LEMD1: variants seen among roughly 807,000 people sequenced by gnomAD.
LEMD1 encodes LEM domain containing 1.
Under a neutral mutation model 17.4 loss-of-function variants are expected in LEMD1, and 18 were observed. The ratio of observed to expected loss-of-function variants is 1.04; its 90% CI spans 0.72 to 1.54. The LOEUF (loss-of-function observed/expected upper bound fraction) is 1.54. LEMD1 is among the 40% of genes most tolerant of loss of function. The pLI is 0.00. For synonymous variants in LEMD1, 88 were observed against 77.8 expected (o/e 1.13, Z -0.69); for missense variants, 195 against 210.4 (o/e 0.93, Z 0.45).
At chr1:205,415,310 C>A (rs761423680) in intron 4 of LEMD1, among the ~76,000 whole-genome samples, 1 of 152,088 alleles carries the variant, frequency 6.6e-6, no homozygotes, top group Non-Finnish European at 1.5e-5. Context: ...TCCCAGTAGG[C>A]AGTTGGATAT....
At chr1:205,446,557 A>T (rs1376657159) in intron 1 of LEMD1, among the ~76,000 whole-genome samples, 4 of 152,196 alleles carry the variant, frequency 2.6e-5, no homozygotes, top group South Asian at 2.1e-4. Flanking sequence ...ACTGAACAAC[A>T]GGATTCCCGG....
At chr1:205,411,428 G>A (rs573382438) in intron 4 of LEMD1, among the ~76,000 whole-genome samples, 7 of 151,920 alleles carry the variant, frequency 4.6e-5, no homozygotes, top group South Asian at 2.1e-4. Context: ...GGTGGCGGGC[G>A]CATGTAGTCC....
intron 2 of LEMD1, 152 bp downstream of exon 2, chr1:205,420,303 A>G (rs572150696): frequency 1.1e-5 from 7 of 617,816 alleles, no homozygotes; most frequent in South Asian, 9.8e-5. Context: ...GGATTTGGGT[A>G]TATTTACCGC....
At chr1:205,399,889 T>C (rs922020468) in intron 4 of LEMD1, among the ~76,000 whole-genome samples, 3 of 152,134 alleles carry the variant, frequency 2.0e-5, no homozygotes, top group African/African-American at 7.2e-5. Flanking sequence ...GAAGGACTGA[T>C]AGAAATAGAA....
chr1:205,399,659 C>T (rs1054679837), intron 4 of LEMD1, among the ~76,000 whole-genome samples: 2 of 152,192 alleles, frequency 1.3e-5, no homozygotes, highest in African/African-American at 4.8e-5. Flanking sequence ...ATGATGAGGA[C>T]ATGTCAAAGG....
intron 3 of LEMD1, among the ~76,000 whole-genome samples, chr1:205,418,103 G>A (rs12408770): frequency 0.015 from 2,320 of 152,178 alleles, 121 homozygotes; most frequent in Admixed American, 0.094. Flanking sequence ...GGCTGCTTCC[G>A]AGCTCAGTGA....
At chr1:205,404,309 G>C (rs978151301) in intron 4 of LEMD1, among the ~76,000 whole-genome samples, 1 of 151,976 alleles carries the variant, frequency 6.6e-6, no homozygotes, top group African/African-American at 2.4e-5. Flanking sequence ...GGGTGTTAAA[G>C]TCTCCCATTA....
At chr1:205,384,547 TC>T (rs1663894670) in intron 4 of LEMD1, among the ~76,000 whole-genome samples, 183 bp from the exon 5 acceptor site, 1 of 152,160 alleles carries the variant, frequency 6.6e-6, no homozygotes, top group Non-Finnish European at 1.5e-5. Flanking sequence ...ACATCTAAGT[TC>T]CATGGAGTAA....
At chr1:205,427,206 G>A (rs1666068894) in intron 1 of LEMD1, among the ~76,000 whole-genome samples, 2 of 151,964 alleles carry the variant, frequency 1.3e-5, no homozygotes, top group African/African-American at 4.8e-5. Flanking sequence ...TTTAAGGACT[G>A]AGTTAACACA....
chr1:205,394,121 A>G (rs1664472640), intron 4 of LEMD1, among the ~76,000 whole-genome samples: 1 of 136,546 alleles, frequency 7.3e-6, no homozygotes. Flanking sequence ...AACATCACAC[A>G]TTGAATGATT....
At chr1:205,447,551 G>A (rs1666414102) in intron 1 of LEMD1, among the ~76,000 whole-genome samples, 1 of 152,070 alleles carries the variant, frequency 6.6e-6, no homozygotes. Flanking sequence ...AGGATGGGAG[G>A]GCTAAAATCA....
Position 205,384,277 on chromosome 1 carries a change from A to G in LEMD1, c.347+11T>C. The G allele has an allele frequency of 6.9e-7, 1 of 1,457,042 alleles. No homozygotes were observed. Among genetic ancestry groups the G allele is most frequent in the Admixed American group, 2.9e-5 (1 of 35,072 alleles). 90.3% of individuals were successfully genotyped at this position (1,457,042 alleles called of 1,614,324 possible). On this transcript the variant is annotated intron_variant, in intron 5 of 5. Coordinates refer to ENST00000367153, the MANE Select transcript of LEMD1 (RefSeq NM_001199050.2). ...ATATCAATTTCCACATATGCTAAAAAACATCATTACCTTCTTCCCTTGGAA... is the reference window on the plus strand; with the variant it reads ...ATATCAATTTCCACATATGCTAAAAGACATCATTACCTTCTTCCCTTGGAA...
At chr1:205,432,574 G>A (rs1666140611) in intron 1 of LEMD1, among the ~76,000 whole-genome samples, 1 of 152,322 alleles carries the variant, frequency 6.6e-6, no homozygotes, top group African/African-American at 2.4e-5. Flanking sequence ...GAGGAATTTG[G>A]GAACAATAAG....
chr1:205,419,435 G>A (rs988256233), intron 2 of LEMD1, 83 bp from the exon 3 acceptor site: 3 of 1,472,364 alleles, frequency 2.0e-6, no homozygotes, highest in African/African-American at 2.8e-5. Context: ...TCATAACTCA[G>A]AATTTTATTC....
At chr1:205,436,568 T>C (rs960322154) in intron 1 of LEMD1, 3 of 152,044 alleles carry the variant, frequency 2.0e-5, no homozygotes, top group African/African-American at 7.3e-5. Context: ...GTCAGCAATA[T>C]GGACTTGGGG....
At chr1:205,393,585 A>G (rs1448286423) in intron 4 of LEMD1, among the ~76,000 whole-genome samples, 2 of 151,986 alleles carry the variant, frequency 1.3e-5, no homozygotes, top group East Asian at 3.9e-4. Context: ...CTGAGGCAGG[A>G]GAATCCCTTG....
rs533258019 is a variant in LEMD1 at position 205,381,705 on chromosome 1, C to T, written c.499G>A (p.Val167Met). The T allele has an allele frequency of 3.7e-5, 60 of 1,614,240 alleles. 1 individual carries two copies. In the South Asian group the frequency reaches 6.4e-4, roughly 17 times the overall value. Residue 167 changes from valine (V) to methionine (M), a missense_variant, in exon 6 of 6, where the codon GTG becomes ATG. Transcript: ENST00000367153. ...KLAVLGIFIIVVFVYLTVENK... is the reference protein window; with the variant it reads ...KLAVLGIFIIMVFVYLTVENK... Reference sequence around the variant, plus strand: ...TCCACAGTCAGGTAGACAAACACCACAATGATGAAAATACCAAGCACAGCA... The same window carrying T: ...TCCACAGTCAGGTAGACAAACACCATAATGATGAAAATACCAAGCACAGCA...
chr1:205,430,191 A>C (rs1276644898), intron 1 of LEMD1, among the ~76,000 whole-genome samples: 1 of 152,262 alleles, frequency 6.6e-6, no homozygotes, highest in Admixed American at 6.5e-5. Context: ...TAGAAGGCCA[A>C]GTCATTCTCT....
chr1:205,395,438 T>C (rs1664545313), intron 4 of LEMD1, among the ~76,000 whole-genome samples: 1 of 151,694 alleles, frequency 6.6e-6, no homozygotes, highest in African/African-American at 2.4e-5. Context: ...CTACTAAAAA[T>C]ACAAAATTAG....
Sources: allele counts gnomAD v4.1 joint callset (sites outside exome capture counted in the v4.1 genomes callset), GRCh38; gene constraint gnomAD v4.1.1; transcripts MANE v1.5; gene names NCBI Gene and HGNC (gene_info 2026-07-23, HGNC 2026-07-21).